Variants in KCNMA1 observed in about 807,000 individuals in gnomAD.
KCNMA1 encodes Calcium-activated potassium channel subunit alpha-1.
In KCNMA1, 29 loss-of-function variants were observed where a neutral mutation model predicts 140.0. The ratio of observed to expected loss-of-function variants is 0.21; its 90% CI spans 0.15 to 0.28. KCNMA1 has a LOEUF of 0.28. KCNMA1 is among the 10% of genes least tolerant of loss of function. The pLI is 1.00. For missense variants in KCNMA1, 880 were observed against 1,602.2 expected (o/e 0.55, Z 7.70); for synonymous variants, 612 against 611.9 (o/e 1.00, Z 0.00).
chr10:77,528,237 G>C (rs114973499), intron 1 of KCNMA1, among the ~76,000 whole-genome samples: 1 of 152,150 alleles, frequency 6.6e-6, no homozygotes, highest in African/African-American at 2.4e-5. Flanking sequence ...ACATCCTCAA[G>C]AATCCAGCAA....
At chr10:77,277,797 G>C (rs1165750045) in intron 2 of KCNMA1, among the ~76,000 whole-genome samples, 1 of 152,116 alleles carries the variant, frequency 6.6e-6, no homozygotes, top group African/African-American at 2.4e-5. Context: ...TTCTACACTT[G>C]ACCCCAAGTA....
chr10:77,107,586 C>G (rs955037063), intron 9 of KCNMA1, among the ~76,000 whole-genome samples: 42 of 152,186 alleles, frequency 2.8e-4, no homozygotes, highest in African/African-American at 9.9e-4. Context: ...ACCTTGGGGT[C>G]TCTATTGAAC....
intron 19 of KCNMA1, among the ~76,000 whole-genome samples, chr10:76,996,679 A>T (rs1005200706): frequency 3.3e-5 from 5 of 152,160 alleles, no homozygotes; most frequent in Non-Finnish European, 5.9e-5. Flanking sequence ...GGAGACTCAG[A>T]CGAACAGGCT....
chr10:77,206,072 T>C (rs1015969833), intron 3 of KCNMA1, among the ~76,000 whole-genome samples: 4 of 152,164 alleles, frequency 2.6e-5, no homozygotes, highest in African/African-American at 9.7e-5. Flanking sequence ...AATAAAACCA[T>C]TGAGTGGGTC....
intron 13 of KCNMA1, among the ~76,000 whole-genome samples, chr10:77,077,482 G>A (rs2096435390): frequency 6.6e-6 from 1 of 152,186 alleles, no homozygotes; most frequent in African/African-American, 2.4e-5. Flanking sequence ...GGGACTGTCT[G>A]GATCCCAGGC....
At chr10:77,324,882 A>G (rs973666114) in intron 2 of KCNMA1, among the ~76,000 whole-genome samples, 1 of 151,226 alleles carries the variant, frequency 6.6e-6, no homozygotes, top group Non-Finnish European at 1.5e-5. Context: ...CTACAATTTT[A>G]AGAGTATCAA....
intron 1 of KCNMA1, among the ~76,000 whole-genome samples, chr10:77,475,143 T>C (rs2098250646): frequency 6.6e-6 from 1 of 152,130 alleles, no homozygotes; most frequent in Non-Finnish European, 1.5e-5. Flanking sequence ...CATCTGTAAA[T>C]GAGATAATAG....
intron 1 of KCNMA1, among the ~76,000 whole-genome samples, chr10:77,471,795 A>T (rs1239135163): frequency 6.6e-6 from 1 of 151,786 alleles, no homozygotes; most frequent in Non-Finnish European, 1.5e-5. Flanking sequence ...CACACCCAAC[A>T]AATATACACG....
intron 2 of KCNMA1, among the ~76,000 whole-genome samples, chr10:77,272,274 C>T (rs572872067): frequency 2.0e-5 from 3 of 152,168 alleles, no homozygotes; most frequent in Non-Finnish European, 4.4e-5. Context: ...GAACACAGTA[C>T]ATGCTTTATA....
chr10:77,044,612 G>A (rs908132541), intron 14 of KCNMA1, among the ~76,000 whole-genome samples: 1 of 152,208 alleles, frequency 6.6e-6, no homozygotes, highest in African/African-American at 2.4e-5. Flanking sequence ...CTGCGCCACT[G>A]CACTCCAGCA....
At chr10:77,375,031 T>C (rs1028885571) in intron 2 of KCNMA1, among the ~76,000 whole-genome samples, 5 of 85,116 alleles carry the variant, frequency 5.9e-5, no homozygotes, top group Admixed American at 2.4e-4. Context: ...ACTTACCCAA[T>C]GCAGTCATCC....
At position 76,885,822 on chromosome 10, in the gene KCNMA1, GCTTA is replaced by G. The variant is rs1386072701; in HGVS notation, c.*1440_*1443del. The G allele has an allele frequency of 4.1e-6, 4 of 984,752 alleles. No individual in the cohort carries two copies. The highest frequency in any genetic ancestry group is 9.4e-5 in the South Asian group (2 of 21,268). 61.0% of individuals were successfully genotyped at this position (984,752 alleles called of 1,614,324 possible). On this transcript the variant is annotated 3_prime_UTR_variant, in exon 28 of 28. Coordinates refer to ENST00000286628, the MANE Select transcript of KCNMA1 (RefSeq NM_001161352.2). ...GGTATTTTTCTACCTCTCCTCTCAT[GCTTA>G]CTAAGTGTTAAAAAAGAAAGAAAAC...
chr10:77,390,700 A>G (rs2095791093), intron 2 of KCNMA1, among the ~76,000 whole-genome samples: 1 of 152,200 alleles, frequency 6.6e-6, no homozygotes. Context: ...CTAGAAACAA[A>G]AAGAATGTTC....
At chr10:77,559,870 C>T (rs903783465) in intron 1 of KCNMA1, among the ~76,000 whole-genome samples, 1 of 152,068 alleles carries the variant, frequency 6.6e-6, no homozygotes, top group African/African-American at 2.4e-5. Context: ...TATATTCAGC[C>T]CGATATGTTT....
chr10:77,191,472 T>C (rs998242927), intron 3 of KCNMA1, among the ~76,000 whole-genome samples: 1 of 152,202 alleles, frequency 6.6e-6, no homozygotes, highest in Non-Finnish European at 1.5e-5. Context: ...CCATTTTACT[T>C]ATCTTATCAG....
At chr10:77,290,875 T>C (rs1273587045) in intron 2 of KCNMA1, among the ~76,000 whole-genome samples, 2 of 152,200 alleles carry the variant, frequency 1.3e-5, no homozygotes, top group Non-Finnish European at 2.9e-5. Flanking sequence ...GTTAACTGTT[T>C]TGAAAGCTGT....
Position 76,885,584 on chromosome 10 carries a change from G to C in KCNMA1, c.*1682C>G. On this transcript the variant is annotated 3_prime_UTR_variant, in exon 28 of 28. Transcript: ENST00000286628. Reference sequence around the variant, plus strand: ...ACCATAAAAACACCTTTTTAGAGATGGTACAGCTGTGACATGTTTTCCTCC... The same window carrying C: ...ACCATAAAAACACCTTTTTAGAGATCGTACAGCTGTGACATGTTTTCCTCC... The C allele has an allele frequency of 1.0e-6, 1 of 985,278 alleles. No individual in the cohort carries two copies. The highest frequency in any genetic ancestry group is 1.2e-6 in the Non-Finnish European group (1 of 829,900). The allele number at this position is 985,278 out of a possible 1,614,324, so 61.0% of individuals were successfully genotyped here.
chr10:77,303,459 G>A (rs1290757689), intron 2 of KCNMA1, among the ~76,000 whole-genome samples: 1 of 152,014 alleles, frequency 6.6e-6, no homozygotes, highest in East Asian at 1.9e-4. Flanking sequence ...AAACCCATAG[G>A]TAAACAGAGT....
At chr10:77,391,996 C>T (rs996358444) in intron 2 of KCNMA1, among the ~76,000 whole-genome samples, 20 of 150,872 alleles carry the variant, frequency 1.3e-4, no homozygotes, top group Middle Eastern at 6.4e-3. Flanking sequence ...TGGGGGAAAA[C>T]CTGGGTAAGA....
Sources: gnomAD v4.1 joint callset for allele counts (sites outside exome capture counted in the v4.1 genomes callset) on GRCh38, gnomAD v4.1.1 for gene constraint, MANE v1.5 for transcripts, NCBI Gene and HGNC (gene_info 2026-07-23, HGNC 2026-07-21) for gene names.